MACROH2A1: variants seen among roughly 807,000 people sequenced by gnomAD.
MACROH2A1 encodes the protein macroH2A.1 histone.
In MACROH2A1, 2 loss-of-function variants were observed where a neutral mutation model predicts 31.6. The observed-to-expected ratio is 0.06, with a 90% CI of 0.03 to 0.20. The LOEUF is 0.20. Among genes scored for constraint, MACROH2A1 ranks in the 10% least tolerant of loss-of-function variants. The pLI is 1.00. For synonymous variants in MACROH2A1, 169 were observed against 189.6 expected (o/e 0.89, Z 0.89); for missense variants, 230 against 474.0 (o/e 0.49, Z 4.78).
intron 2 of MACROH2A1, 94 bp from the exon 3 acceptor site, chr5:135,370,236 C>T: frequency 2.8e-6 from 2 of 718,956 alleles, no homozygotes; most frequent in Admixed American, 4.7e-5. Context: ...TGGGCAGAGG[C>T]AGCTGCTTCA....
At chr5:135,341,283 A>G (rs1759806895) in intron 8 of MACROH2A1, among the ~76,000 whole-genome samples, 1 of 152,146 alleles carries the variant, frequency 6.6e-6, no homozygotes, top group Non-Finnish European at 1.5e-5. Flanking sequence ...AGGATAGGAG[A>G]GCTGAGGGGC....
rs548084975 is a variant in MACROH2A1 at position 135,377,535 on chromosome 5, C to G, written c.173-7393G>C. ...GAGCGAGGAGCAGAACAGTGAGTTT[C>G]GTGGGCTGCACTGTGTTGGGGGAGG... On this transcript the variant is annotated intron_variant, in intron 2 of 8. Coordinates refer to ENST00000511689, the MANE Select transcript of MACROH2A1 (RefSeq NM_138610.3). Among the ~76,000 whole-genome samples, 215 of 152,292 alleles carry G rather than the reference C, an allele frequency of 1.4e-3. 6 individuals carry two copies. The highest frequency in any genetic ancestry group is 8.8e-5 in the Non-Finnish European group (6 of 68,016).
At chr5:135,376,156 C>G (rs1279963060) in intron 2 of MACROH2A1, among the ~76,000 whole-genome samples, 2 of 152,144 alleles carry the variant, frequency 1.3e-5, no homozygotes, top group Admixed American at 1.3e-4. Flanking sequence ...ATAAAACCTA[C>G]AGCAGTGATT....
chr5:135,385,155 A>G (rs1050450356), intron 2 of MACROH2A1, among the ~76,000 whole-genome samples: 14 of 152,216 alleles, frequency 9.2e-5, no homozygotes, highest in African/African-American at 3.4e-4. Flanking sequence ...CATGCCTGCA[A>G]TTGTCATGCC....
chr5:135,337,658 G>GCTGTT, intron 8 of MACROH2A1, among the ~76,000 whole-genome samples: 1 of 152,358 alleles, frequency 6.6e-6, no homozygotes. Context: ...TTTGAGAACT[G>GCTGTT]CTGTTCTACA....
intron 6 of MACROH2A1, chr5:135,346,960 A>T (rs931262759): frequency 1.3e-5 from 2 of 152,246 alleles, no homozygotes; most frequent in African/African-American, 4.8e-5. Flanking sequence ...GTTAGCAACA[A>T]GATCAGCCTT....
chr5:135,356,169 C>G (rs370305818), intron 5 of MACROH2A1: 3 of 152,202 alleles, frequency 2.0e-5, no homozygotes, highest in East Asian at 3.9e-4. Context: ...GGAAAGTAAT[C>G]ATAGGGCACT....
intron 6 of MACROH2A1, among the ~76,000 whole-genome samples, chr5:135,349,414 T>A (rs1761242340): frequency 1.3e-5 from 2 of 152,198 alleles, no homozygotes; most frequent in Admixed American, 1.3e-4. Flanking sequence ...GGAGTTTAAC[T>A]GCTTACAGCC....
intron 4 of MACROH2A1, among the ~76,000 whole-genome samples, chr5:135,366,784 CATT>C (rs1213138712): frequency 3.3e-5 from 5 of 152,110 alleles, no homozygotes. Flanking sequence ...TACTCAAAAA[CATT>C]ATGTAATATG....
At chr5:135,346,494 A>T (rs1202912556) in intron 6 of MACROH2A1, 1 of 178,412 alleles carries the variant, frequency 5.6e-6, no homozygotes, top group East Asian at 1.5e-4. Flanking sequence ...AGCAGCATAC[A>T]ATGCTCCCAT....
chr5:135,360,727 G>C, intron 4 of MACROH2A1, 120 bp from the exon 5 acceptor site: 1 of 744,918 alleles, frequency 1.3e-6, no homozygotes, highest in East Asian at 2.6e-5. Flanking sequence ...ACCACAACCA[G>C]TTCTCAGCGT....
At chr5:135,367,063 AT>A (rs1212567003) in intron 4 of MACROH2A1, among the ~76,000 whole-genome samples, 1 of 152,224 alleles carries the variant, frequency 6.6e-6, no homozygotes, top group Non-Finnish European at 1.5e-5. Flanking sequence ...ATGATTTGGA[AT>A]TCAAGTGTTG....
At chr5:135,368,028 G>A (rs1438251425) in intron 4 of MACROH2A1, among the ~76,000 whole-genome samples, 1 of 152,226 alleles carries the variant, frequency 6.6e-6, no homozygotes, top group Admixed American at 6.5e-5. Context: ...TGGAATGCAA[G>A]TGTCTGGAAA....
At chr5:135,388,697 A>C (rs1027887475) in intron 2 of MACROH2A1, among the ~76,000 whole-genome samples, 11 of 152,236 alleles carry the variant, frequency 7.2e-5, no homozygotes, top group African/African-American at 2.7e-4. Context: ...AGAAATATCT[A>C]CACATATGCC....
chr5:135,369,438 C>G lies in MACROH2A1; in HGVS notation c.445G>C (p.Ala149Pro), dbSNP rs1467521394. The G allele has an allele frequency of 6.8e-6, 11 of 1,614,078 alleles. No individual in the cohort carries two copies. The East Asian group carries it at 2.2e-4, about 33-fold the overall frequency. The change falls in exon 4 of 9, where the codon GCA becomes CCA. Residue 149 changes from alanine (A) to proline (P), a missense_variant. Physicochemically the swap from Ala to Pro is conservative, Grantham distance 27. Around this residue, in one of 2 missense-constraint regions of MACROH2A1, gnomAD observed 183 missense variants for 319.3 expected, o/e 0.57. Coordinates refer to ENST00000511689, the MANE Select transcript of MACROH2A1 (RefSeq NM_138610.3). The surrounding 1 kb of genome is among the most constrained non-coding windows in gnomAD (Gnocchi z 4.3). ...TTCCGGGCCCCTTTCTTGCCTCCTG[C>G]TTTTTTAGATACAGGCTTCTTCTGG... The part of the protein sequence containing the change: ...PSQKKPVSKK[A>P]GGKKGARKSK...
At chr5:135,360,766 T>A in intron 4 of MACROH2A1, 159 bp from the exon 5 acceptor site, 1 of 704,156 alleles carries the variant, frequency 1.4e-6, no homozygotes, top group Non-Finnish European at 2.6e-6. Context: ...AGACTCATTT[T>A]GAGGTACAAG....
At chr5:135,358,272 A>G in intron 5 of MACROH2A1, 1 of 985,240 alleles carries the variant, frequency 1.0e-6, no homozygotes, top group South Asian at 4.7e-5. Flanking sequence ...GGGGTGTAGG[A>G]TTCCAGAAAG....
chr5:135,368,106 G>A (rs1338648132), intron 4 of MACROH2A1, among the ~76,000 whole-genome samples: 3 of 152,206 alleles, frequency 2.0e-5, no homozygotes, highest in African/African-American at 7.2e-5. Flanking sequence ...CTGGGCCTAA[G>A]GGTGGGTGGC....
At chr5:135,339,560 A>AGCTT (rs1261435198) in intron 8 of MACROH2A1, among the ~76,000 whole-genome samples, 10 of 152,270 alleles carry the variant, frequency 6.6e-5, no homozygotes, top group African/African-American at 2.4e-4. Context: ...ACAGATTGCG[A>AGCTT]GCTTGCAATT....
Sources: gnomAD v4.1 joint callset for allele counts (sites outside exome capture counted in the v4.1 genomes callset) on GRCh38, gnomAD v4.1.1 for gene constraint, gnomAD v4.1.1 regional missense constraint, Gnocchi (gnomAD v3.1) non-coding constraint, MANE v1.5 for transcripts, NCBI Gene and HGNC (gene_info 2026-07-23, HGNC 2026-07-21) for gene names.